The following AUTS2 variants were observed in gnomAD, a reference collection of about 807,000 sequenced individuals.
AUTS2 encodes the protein activator of transcription and developmental regulator AUTS2.
In AUTS2, 17 loss-of-function variants were observed where a neutral mutation model predicts 112.4. The ratio of observed to expected loss-of-function variants is 0.15; its 90% confidence interval spans 0.10 to 0.23. The LOEUF is 0.23. AUTS2 is among the 10% of genes least tolerant of loss of function. AUTS2 has a pLI of 1.00. For synonymous variants in AUTS2, 751 were observed against 702.7 expected (o/e 1.07, Z -1.09); for missense variants, 1,510 against 1,701.6 (o/e 0.89, Z 1.98).
At chr7:70,317,338 A>G (rs1790044742) in intron 4 of AUTS2, among the ~76,000 whole-genome samples, 1 of 152,142 alleles carries the variant, frequency 6.6e-6, no homozygotes, top group South Asian at 2.1e-4. Flanking sequence ...TTGCCATGGA[A>G]AGATGTTTGT....
At chr7:70,476,988 C>T (rs1413135262) in intron 5 of AUTS2, among the ~76,000 whole-genome samples, 1 of 152,172 alleles carries the variant, frequency 6.6e-6, no homozygotes, top group African/African-American at 2.4e-5. Context: ...AGTGAGGATG[C>T]CAGGTCTTTT....
intron 2 of AUTS2, among the ~76,000 whole-genome samples, chr7:70,092,988 C>A (rs1027179189): frequency 2.0e-5 from 3 of 152,152 alleles, no homozygotes; most frequent in African/African-American, 7.2e-5. Context: ...TGCACCTCCC[C>A]TCCTCCCCAA....
At chr7:70,394,170 T>C (rs1793986421) in intron 4 of AUTS2, among the ~76,000 whole-genome samples, 1 of 152,220 alleles carries the variant, frequency 6.6e-6, no homozygotes, top group Non-Finnish European at 1.5e-5. Flanking sequence ...CAATTAGTAA[T>C]GAAAAATCAG....
At chr7:69,725,115 C>A (rs1025683652) in intron 1 of AUTS2, among the ~76,000 whole-genome samples, 4 of 152,086 alleles carry the variant, frequency 2.6e-5, no homozygotes, top group African/African-American at 7.2e-5. Context: ...CATATAGTCA[C>A]CCCATCCTCT....
At chr7:69,628,639 A>T (rs980125171) in intron 1 of AUTS2, among the ~76,000 whole-genome samples, 3 of 152,136 alleles carry the variant, frequency 2.0e-5, no homozygotes, top group African/African-American at 7.2e-5. Flanking sequence ...GTTGAAGGGG[A>T]AGCAGGCGTG....
intron 4 of AUTS2, among the ~76,000 whole-genome samples, chr7:70,287,447 G>A (rs1285781570): frequency 1.3e-5 from 2 of 152,150 alleles, no homozygotes; most frequent in African/African-American, 2.4e-5. Flanking sequence ...CTGAGCAAAA[G>A]CCAGTAAGTC....
At chr7:70,675,308 C>T (rs931912798) in intron 5 of AUTS2, among the ~76,000 whole-genome samples, 7 of 152,118 alleles carry the variant, frequency 4.6e-5, no homozygotes, top group Non-Finnish European at 2.9e-5. Flanking sequence ...GCCTGGCCAA[C>T]ATGGTGAAAC....
chr7:69,674,956 T>G (rs774698922), intron 1 of AUTS2, among the ~76,000 whole-genome samples: 13 of 152,190 alleles, frequency 8.5e-5, no homozygotes, highest in Non-Finnish European at 1.8e-4. Context: ...TGTATTTTCT[T>G]TAGTTGGTTG....
At chr7:70,552,381 ATG>A (rs1801051518) in intron 5 of AUTS2, among the ~76,000 whole-genome samples, 2 of 152,202 alleles carry the variant, frequency 1.3e-5, no homozygotes, top group Non-Finnish European at 1.5e-5. Flanking sequence ...ATTATACCAT[ATG>A]TCTCTCCCTG....
intron 1 of AUTS2, among the ~76,000 whole-genome samples, chr7:69,625,704 A>T (rs896208434): frequency 6.6e-6 from 1 of 152,006 alleles, no homozygotes; most frequent in African/African-American, 2.4e-5. Context: ...TAAAAAATTT[A>T]AAAATTAGCT....
In AUTS2 at chr7:70,789,851, C is replaced by T; in HGVS notation, c.2635C>T (p.His879Tyr). 2 of 1,614,164 alleles carry T rather than the reference C, an allele frequency of 1.2e-6. No individual in the cohort carries two copies. The highest frequency in any genetic ancestry group is 8.5e-7 in the Non-Finnish European group (1 of 1,180,028). The change falls in exon 19 of 19, where the codon CAT becomes TAT. Residue 879 changes from histidine (H) to tyrosine (Y), a missense_variant. Around this residue, in one of 3 missense-constraint regions of AUTS2, gnomAD observed 788 missense variants for 797.6 expected, o/e 0.99. Transcript: ENST00000342771. ...CAGCTCCACTGAACAGATCCGGGCTCATCTGAACACTGAGGCTCGGGAGAA... is the reference window on the plus strand; with the variant it reads ...CAGCTCCACTGAACAGATCCGGGCTTATCTGAACACTGAGGCTCGGGAGAA... Reference protein sequence around the residue: ...TRSSTEQIRAHLNTEAREKDK... With the variant: ...TRSSTEQIRAYLNTEAREKDK...
intron 2 of AUTS2, among the ~76,000 whole-genome samples, chr7:70,110,778 G>A (rs535913526): frequency 9.2e-4 from 139 of 150,462 alleles, no homozygotes; most frequent in African/African-American, 3.3e-3. Flanking sequence ...TTCTTACTTT[G>A]CATTAATGAA....
chr7:70,331,907 A>G (rs1052626443), intron 4 of AUTS2, among the ~76,000 whole-genome samples: 2 of 152,206 alleles, frequency 1.3e-5, no homozygotes, highest in South Asian at 4.1e-4. Flanking sequence ...CTGGCACAAG[A>G]TAAGGATGCC....
intron 5 of AUTS2, among the ~76,000 whole-genome samples, chr7:70,591,384 CTTTGTTTGTTTG>C (rs55794656): frequency 3.3e-5 from 5 of 150,258 alleles, no homozygotes; most frequent in African/African-American, 7.4e-5. Context: ...TTTACCCAGT[CTTTGTTTGTTTG>C]TTTGTTTGTT....
intron 5 of AUTS2, among the ~76,000 whole-genome samples, chr7:70,557,515 G>A (rs764404062): frequency 1.1e-4 from 16 of 152,180 alleles, no homozygotes; most frequent in Non-Finnish European, 1.8e-4. Flanking sequence ...ATAGCCAATC[G>A]AACATGTGCT....
chr7:70,688,749 AGTAG>A, intron 5 of AUTS2, among the ~76,000 whole-genome samples: 1 of 152,314 alleles, frequency 6.6e-6, no homozygotes, highest in South Asian at 2.1e-4. Flanking sequence ...CCGTGAGCCT[AGTAG>A]TTGGAGGCTG....
intron 3 of AUTS2, among the ~76,000 whole-genome samples, chr7:70,133,709 T>C (rs1031182018): frequency 1.3e-5 from 2 of 151,968 alleles, no homozygotes; most frequent in Non-Finnish European, 2.9e-5. Flanking sequence ...TGCTAAAAAT[T>C]AAATAATTTA....
At chr7:69,739,561 C>T (rs1203101989) in intron 1 of AUTS2, among the ~76,000 whole-genome samples, 1 of 152,136 alleles carries the variant, frequency 6.6e-6, no homozygotes, top group African/African-American at 2.4e-5. Context: ...CAAAAGAAAA[C>T]AACAACCAAA....
rs376320698 is a variant in AUTS2, at chr7:70,251,380, C to A, written c.660+116809C>A. Among the ~76,000 whole-genome samples, 18 of 152,206 alleles carry A rather than the reference C, an allele frequency of 1.2e-4. No individual in the cohort carries two copies. In the East Asian group the frequency reaches 2.3e-3, roughly 20 times the overall value. On this transcript the variant is annotated intron_variant, in intron 4 of 18. Transcript: ENST00000342771. The stretch of plus-strand genomic sequence containing the variant: ...ACCCGGCCAATATAAAATATTTCAA[C>A]AAATACAAGTAAATTAAGTAAAAAG...
Sources: allele counts gnomAD v4.1 joint callset (sites outside exome capture counted in the v4.1 genomes callset), GRCh38; gene constraint gnomAD v4.1.1; regional missense constraint gnomAD v4.1.1; transcripts MANE v1.5; gene names NCBI Gene and HGNC (gene_info 2026-07-23, HGNC 2026-07-21).